Variants in TNS1 observed in about 807,000 individuals in gnomAD.
TNS1 encodes tensin 1, also known as tensin-1.
A neutral mutation model predicts 168.6 loss-of-function variants in TNS1; 62 were observed. The observed-to-expected ratio is 0.37, with a 90% CI of 0.30 to 0.45. The LOEUF is 0.45. TNS1 is among the 20% of genes least tolerant of loss of function. TNS1 has a pLI of 1.00. For missense variants in TNS1, 2,240 were observed against 2,339.4 expected, an observed-to-expected ratio of 0.96 and a Z score of 0.88; for synonymous variants, 934 against 933.2, an observed-to-expected ratio of 1.00 and a Z score of -0.02.
rs745791045 is a variant in TNS1 at position 217,821,870 on chromosome 2, G to A, written c.3442C>T (p.Pro1148Ser). ...VAGPRAQDSE[P>S]KSFSAPATQA... ...GTGGCTGGAGCACTAAAGCTCTTGG[G>A]CTCAGAGTCCTGAGCTCGGGGTCCA... is the stretch of plus-strand genomic sequence containing the variant. Residue 1148 changes from proline (P) to serine (S), a missense_variant, in exon 23 of 33, where the codon CCC becomes TCC. Coordinates refer to ENST00000682258, the MANE Select transcript of TNS1 (RefSeq NM_001387777.1). 1.7e-5 allele frequency: 27 copies of A among 1,589,386 alleles called. No homozygotes were observed. In the Admixed American group the frequency reaches 4.3e-4, roughly 25 times the overall value.
At chr2:217,905,179 G>T in intron 6 of TNS1, 3 of 264,778 alleles carry the variant, frequency 1.1e-5, no homozygotes, top group South Asian at 1.0e-4. Flanking sequence ...ATCCTTGGTA[G>T]TAGGTACACA....
chr2:217,839,017 G>A (rs2571447), intron 19 of TNS1, among the ~76,000 whole-genome samples: 9,019 of 151,216 alleles, frequency 0.06, 844 homozygotes, highest in African/African-American at 0.2. Context: ...ACCCACCTAG[G>A]CAGAGGCAGG....
intron 3 of TNS1, among the ~76,000 whole-genome samples, chr2:217,927,972 C>T (rs1956122822): frequency 1.3e-5 from 2 of 152,216 alleles, no homozygotes; most frequent in African/African-American, 2.4e-5. Context: ...ACCCTCCTAT[C>T]TGTGGACAGT....
At chr2:217,941,380 G>A (rs1956903766) in intron 3 of TNS1, among the ~76,000 whole-genome samples, 2 of 152,250 alleles carry the variant, frequency 1.3e-5, no homozygotes, top group Admixed American at 1.3e-4. Context: ...CAGGCAAGGG[G>A]CAGAGTGGGC....
intron 3 of TNS1, among the ~76,000 whole-genome samples, chr2:217,946,359 T>C (rs931671874): frequency 2.6e-5 from 4 of 152,188 alleles, no homozygotes; most frequent in Non-Finnish European, 5.9e-5. Flanking sequence ...TTGTTCATTG[T>C]CTCCCTTCCC....
chr2:217,864,593 T>A (rs1949090990), intron 18 of TNS1, among the ~76,000 whole-genome samples: 1 of 152,104 alleles, frequency 6.6e-6, no homozygotes, highest in African/African-American at 2.4e-5. Flanking sequence ...AGAGTGACAA[T>A]AAAGTCACAA....
intron 31 of TNS1, 28 bp downstream of exon 31, chr2:217,808,575 G>A (rs1175305143): frequency 8.1e-6 from 13 of 1,608,542 alleles, no homozygotes; most frequent in African/African-American, 1.3e-5. Flanking sequence ...AAGCTGTGTG[G>A]GAGAGAAGCT....
At chr2:217,806,109 G>C (rs545163364) in intron 32 of TNS1, among the ~76,000 whole-genome samples, 41 of 152,344 alleles carry the variant, frequency 2.7e-4, no homozygotes, top group African/African-American at 9.9e-4. Context: ...AAGCATGCCA[G>C]CCCTGGCTGC....
In TNS1 at chr2:217,897,897, G is replaced by T; in HGVS notation, c.444C>A (p.Ile148=). 6.2e-7 allele frequency: 1 copy of T among 1,613,684 alleles called. No individual in the cohort carries two copies. Among genetic ancestry groups the T allele is most frequent in the Non-Finnish European group, 8.5e-7 (1 of 1,179,776 alleles). Residue 148 remains isoleucine (I), a synonymous_variant, in exon 8 of 33, where the codon ATC becomes ATA. Coordinates refer to ENST00000682258, the MANE Select transcript of TNS1 (RefSeq NM_001387777.1). ...TGGCTGTGCTGGGGAAGGAGACAGC[G>T]ATGATCCTCTCTGTGACGTACACCA... ...LDLVYVTERI[I]AVSFPSTANE...
chr2:218,021,164 G>A (rs1364279157), intron 1 of TNS1, among the ~76,000 whole-genome samples: 1 of 151,846 alleles, frequency 6.6e-6, no homozygotes, highest in Non-Finnish European at 1.5e-5. Flanking sequence ...GCCCTCCTCT[G>A]AGAGCTCTGC....
intron 30 of TNS1, 38 bp from the exon 31 acceptor site, chr2:217,808,709 T>C (rs771905324): frequency 5.0e-6 from 8 of 1,600,462 alleles, no homozygotes; most frequent in Non-Finnish European, 6.0e-6. Flanking sequence ...GAATGAGTGC[T>C]GAAGGGGCTG....
intron 5 of TNS1, 148 bp downstream of exon 5, chr2:217,907,062 T>A: frequency 6.7e-6 from 3 of 448,354 alleles, no homozygotes; most frequent in Non-Finnish European, 1.3e-5. Flanking sequence ...GCCGCCCCAC[T>A]ACTTCCCTGC....
Position 217,886,631 on chromosome 2 carries a change from G to A in TNS1, c.882C>T (p.Phe294=), listed in dbSNP as rs1204712426. The change falls in exon 13 of 33, where the codon TTC becomes TTT. Residue 294 remains phenylalanine, a synonymous_variant. Coordinates refer to ENST00000682258, the MANE Select transcript of TNS1 (RefSeq NM_001387777.1). ...TGATGGAGCCGGAGAGCAGGCCACT[G>A]AAGTAATGCACGTACCTGTAGTGGT... ...QPSQRRYVHY[F]SGLLSGSIKM... 2 of 1,589,604 alleles carry A rather than the reference G, an allele frequency of 1.3e-6. No individual in the cohort carries two copies. The highest frequency in any genetic ancestry group is 1.7e-6 in the Non-Finnish European group (2 of 1,167,678).
chr2:217,834,788 TA>T (rs1247371103), intron 21 of TNS1, among the ~76,000 whole-genome samples: 2 of 152,058 alleles, frequency 1.3e-5, no homozygotes, highest in African/African-American at 4.8e-5. Context: ...GTGTGGACGG[TA>T]AAAAGACTCA....
intron 4 of TNS1, among the ~76,000 whole-genome samples, chr2:217,919,002 C>CA (rs1008569367): frequency 0.056 from 6 of 108 alleles, no homozygotes; most frequent in African/African-American, 0.083. Flanking sequence ...ACAACCCCAG[C>CA]AGGCCTGAGC....
At chr2:217,808,004 G>T (rs1244305671) in intron 32 of TNS1, 71 bp downstream of exon 32, 17 of 1,574,714 alleles carry the variant, frequency 1.1e-5, no homozygotes, top group Non-Finnish European at 1.5e-5. Context: ...GTTTCTAAAT[G>T]TGCCCCGTGC....
chr2:217,966,396 T>C (rs554943641), intron 3 of TNS1, among the ~76,000 whole-genome samples: 4 of 151,988 alleles, frequency 2.6e-5, no homozygotes, highest in African/African-American at 9.7e-5. Flanking sequence ...AAAATTGTTA[T>C]AAAGCAAGAG....
chr2:217,952,355 G>C (rs1243750025), intron 3 of TNS1, among the ~76,000 whole-genome samples: 1 of 152,228 alleles, frequency 6.6e-6, no homozygotes, highest in East Asian at 1.9e-4. Context: ...ATAAGCAGGG[G>C]TGATAGGACT....
intron 4 of TNS1, among the ~76,000 whole-genome samples, chr2:217,909,710 T>C (rs1038147572): frequency 1.9e-4 from 29 of 152,100 alleles, no homozygotes; most frequent in African/African-American, 5.8e-4. Flanking sequence ...AACAGCTCCC[T>C]TGCCTCCAGG....
Sources: gnomAD v4.1 joint callset for allele counts (sites outside exome capture counted in the v4.1 genomes callset) on GRCh38, gnomAD v4.1.1 for gene constraint, MANE v1.5 for transcripts, NCBI Gene and HGNC (gene_info 2026-07-23, HGNC 2026-07-21) for gene names.